Variants in SLC41A2 observed in about 807,000 individuals in gnomAD.
The protein encoded by SLC41A2 is SLC41A1-like 1.
SLC41A2 carries 32 observed loss-of-function variants against 58.3 expected under a neutral mutation model. That is an observed-to-expected ratio of 0.55 (90% CI 0.41 to 0.74). SLC41A2 has a LOEUF of 0.74. Ranked by LOEUF, SLC41A2 falls within the 30% of genes least tolerant of loss-of-function variation. SLC41A2 has a pLI of 0.00. For synonymous variants in SLC41A2, 190 were observed against 235.0 expected, an observed-to-expected ratio of 0.81 and a Z score of 1.75; for missense variants, 514 against 680.6, an observed-to-expected ratio of 0.76 and a Z score of 2.72.
chr12:104,822,984 G>C (rs1243203210), intron 10 of SLC41A2, among the ~76,000 whole-genome samples: 11 of 152,124 alleles, frequency 7.2e-5, no homozygotes. Context: ...TGACATGGGA[G>C]AGTCTAAAGT....
At chr12:104,813,915 C>T (rs1201267238) in intron 10 of SLC41A2, among the ~76,000 whole-genome samples, 1 of 150,990 alleles carries the variant, frequency 6.6e-6, no homozygotes, top group South Asian at 2.1e-4. Flanking sequence ...GGATTACAGG[C>T]TTGAGCCTCC....
chr12:104,838,014 C>T (rs777679062), intron 10 of SLC41A2, among the ~76,000 whole-genome samples: 4 of 152,230 alleles, frequency 2.6e-5, no homozygotes, highest in Non-Finnish European at 5.9e-5. Flanking sequence ...TTTTGCCCTT[C>T]GTATGTGATG....
rs141290098 is a variant in SLC41A2 at position 104,838,181 on chromosome 12, C to T, written c.1536+6291G>A. 5.2e-3 allele frequency among the ~76,000 whole-genome samples: 788 copies of T among 152,298 alleles called. 2 individuals are homozygous for T. Among genetic ancestry groups the T allele is most frequent in the Middle Eastern group, 0.01 (3 of 294 alleles). On this transcript the variant is annotated intron_variant, in intron 10 of 10. Coordinates refer to ENST00000258538, the MANE Select transcript of SLC41A2 (RefSeq NM_001352171.3). ...TTGGTAAGTATGTAGAGGTCACTGG[C>T]TGTATTTCTGCTCCAAGCATGTTCT...
chr12:104,951,286 T>C lies in SLC41A2; in HGVS notation c.-168+6802A>G, dbSNP rs1024565255. Among the ~76,000 whole-genome samples the C allele has an allele frequency of 4.6e-5, 7 of 152,318 alleles. No homozygotes were observed. The East Asian group carries it at 1.3e-3, about 29-fold the overall frequency. ...TAACAGTTTCCATTTAGTTCTACAA[T>C]GTACTACTTAAATTAAGACTCTGTG... On this transcript the variant is annotated intron_variant, in intron 1 of 10. Coordinates refer to ENST00000258538, the MANE Select transcript of SLC41A2 (RefSeq NM_001352171.3).
intron 8 of SLC41A2, among the ~76,000 whole-genome samples, chr12:104,858,860 T>C (rs918941707): frequency 2.0e-5 from 3 of 152,154 alleles, no homozygotes; most frequent in Non-Finnish European, 2.9e-5. Context: ...AGCACAGACA[T>C]CCAAGGAGAG....
intron 3 of SLC41A2, among the ~76,000 whole-genome samples, chr12:104,905,307 G>C (rs2045780667): frequency 6.6e-6 from 1 of 152,184 alleles, no homozygotes; most frequent in African/African-American, 2.4e-5. Context: ...GTCCTCACCA[G>C]AGCAGCTAGA....
At chr12:104,882,734 C>T (rs1003423176) in intron 6 of SLC41A2, among the ~76,000 whole-genome samples, 4 of 152,226 alleles carry the variant, frequency 2.6e-5, no homozygotes, top group Non-Finnish European at 5.9e-5. Context: ...CAACCTTTCT[C>T]TCTGGCTGCC....
intron 10 of SLC41A2, among the ~76,000 whole-genome samples, chr12:104,840,636 G>A (rs1166003649): frequency 6.6e-6 from 1 of 152,116 alleles, no homozygotes; most frequent in African/African-American, 2.4e-5. Flanking sequence ...TGGGGACTGG[G>A]CAAGAACATG....
chr12:104,885,765 A>G (rs1214466531), intron 6 of SLC41A2, among the ~76,000 whole-genome samples: 1 of 152,108 alleles, frequency 6.6e-6, no homozygotes, highest in Non-Finnish European at 1.5e-5. Flanking sequence ...TACAGCATTC[A>G]GTCTAATTTT....
At chr12:104,814,224 T>A (rs968209512) in intron 10 of SLC41A2, among the ~76,000 whole-genome samples, 2 of 152,068 alleles carry the variant, frequency 1.3e-5, no homozygotes, top group Non-Finnish European at 2.9e-5. Context: ...GGCAACAAAG[T>A]GGGACCCTGT....
chr12:104,809,968 C>G (rs1799984555), intron 10 of SLC41A2, among the ~76,000 whole-genome samples: 1 of 152,070 alleles, frequency 6.6e-6, no homozygotes, highest in South Asian at 2.1e-4. Context: ...AGCAAAGTGA[C>G]TAACTTAAAA....
At position 104,868,221 on chromosome 12, in the gene SLC41A2, T is replaced by G. The variant is rs188592410; in HGVS notation, c.1028-1642A>C. Among the ~76,000 whole-genome samples the G allele has an allele frequency of 3.3e-5, 5 of 152,254 alleles. No individual in the cohort carries two copies. The East Asian group carries it at 9.6e-4, about 29-fold the overall frequency. ...AAATAACATCCCAGTTAGGAAGCAT[T>G]TCAATCTACTAAAACAACTAAGGTT... On this transcript the variant is annotated intron_variant, in intron 6 of 10. Transcript: ENST00000258538.
chr12:104,951,734 CAT>C (rs2047965938), intron 1 of SLC41A2, among the ~76,000 whole-genome samples: 1 of 151,462 alleles, frequency 6.6e-6, no homozygotes, highest in South Asian at 2.1e-4. Flanking sequence ...TCATTAAGCT[CAT>C]ATGATTGATA....
At chr12:104,905,576 G>C (rs1290094010) in intron 3 of SLC41A2, among the ~76,000 whole-genome samples, 2 of 152,192 alleles carry the variant, frequency 1.3e-5, no homozygotes, top group African/African-American at 4.8e-5. Context: ...GGCGCTCATC[G>C]GGGAGGCTCG....
intron 2 of SLC41A2, 30 bp from the exon 3 acceptor site, chr12:104,909,792 C>A (rs898904694): frequency 1.4e-6 from 2 of 1,447,924 alleles, no homozygotes; most frequent in Non-Finnish European, 1.9e-6. Flanking sequence ...ATAAAATTTT[C>A]TGGCACTCTT....
At chr12:104,926,937 T>A (rs1009683150) in intron 2 of SLC41A2, among the ~76,000 whole-genome samples, 1 of 151,772 alleles carries the variant, frequency 6.6e-6, no homozygotes, top group Admixed American at 6.6e-5. Context: ...AAATTTTTTT[T>A]AATTAGTGAG....
rs767773856 is a variant in SLC41A2, at chr12:104,927,985, C to T, written c.543G>A (p.Leu181=). 1.7e-5 allele frequency: 27 copies of T among 1,605,476 alleles called. 1 individual carries two copies. The South Asian group carries it at 2.8e-4, about 17-fold the overall frequency. ...GATGAAAACCCACCTGTACTATATC[C>T]AGTACCATGCCAGCTGAAACTGTTC... is the stretch of plus-strand genomic sequence containing the variant. The part of the protein sequence containing the change: ...GFGTVSAGMV[L]DIVQHWEVFR... Residue 181 remains leucine (L), a synonymous_variant, in exon 2 of 11, where the codon CTG becomes CTA. Coordinates refer to ENST00000258538, the MANE Select transcript of SLC41A2 (RefSeq NM_001352171.3).
chr12:104,855,901 G>A (rs1351640863), intron 8 of SLC41A2, among the ~76,000 whole-genome samples: 2 of 152,220 alleles, frequency 1.3e-5, no homozygotes, highest in Non-Finnish European at 2.9e-5. Flanking sequence ...TCAGTTAGAA[G>A]CTTCAGATGT....
intron 1 of SLC41A2, among the ~76,000 whole-genome samples, chr12:104,937,329 A>C (rs1387286577): frequency 1.3e-5 from 2 of 152,176 alleles, no homozygotes; most frequent in African/African-American, 4.8e-5. Flanking sequence ...ATTCATGGTA[A>C]ATGCCCTATA....
Sources: allele counts gnomAD v4.1 joint callset (sites outside exome capture counted in the v4.1 genomes callset), GRCh38; gene constraint gnomAD v4.1.1; transcripts MANE v1.5; gene names NCBI Gene and HGNC (gene_info 2026-07-23, HGNC 2026-07-21).